Variants in NEGR1 observed in about 807,000 individuals in gnomAD.
The protein encoded by NEGR1 is neuronal growth regulator 1, also known as IgLON family member 4.
In NEGR1, 10 loss-of-function variants were observed where a neutral mutation model predicts 40.9. That is an observed-to-expected ratio of 0.24 (90% CI 0.15 to 0.42). NEGR1 has a LOEUF of 0.42. Among genes scored for constraint, NEGR1 ranks in the 10% least tolerant of loss-of-function variants. NEGR1 has a pLI of 1.00. For missense variants in NEGR1, 352 were observed against 438.9 expected (o/e 0.80, Z 1.77); for synonymous variants, 185 against 166.8 (o/e 1.11, Z -0.84).
In NEGR1 at chr1:72,208,049, GA is replaced by G. The variant is rs201621599; in HGVS notation, c.176+74269del. On this transcript the variant is annotated intron_variant, in intron 1 of 6. Coordinates refer to ENST00000357731, the MANE Select transcript of NEGR1 (RefSeq NM_173808.3). ...TGTAAGAATAATTCTGCATATTCTA[GA>G]AAAAAAAAGTTGATCGGTTTTTCCT... is the stretch of plus-strand genomic sequence containing the variant. Among the ~76,000 whole-genome samples the G allele has an allele frequency of 4.2e-4, 63 of 150,550 alleles. No individual in the cohort carries two copies. The East Asian group carries it at 0.011, about 26-fold the overall frequency.
At position 71,615,288 on chromosome 1, in the gene NEGR1, GA is replaced by G. The variant is rs11432692; in HGVS notation, c.668-4143del. ...ATATTTTATCAGGGATCACATTAAT[GA>G]AAAAAAAAATATTCCTGGCCTCATA... On this transcript the variant is annotated intron_variant, in intron 4 of 6. Coordinates refer to ENST00000357731, the MANE Select transcript of NEGR1 (RefSeq NM_173808.3). 3.3e-4 allele frequency among the ~76,000 whole-genome samples: 49 copies of G among 150,162 alleles called. No homozygotes were observed. The East Asian group carries it at 4.7e-3, about 14-fold the overall frequency.
intron 6 of NEGR1, among the ~76,000 whole-genome samples, chr1:71,524,771 C>G (rs1647197645): frequency 6.6e-6 from 1 of 151,548 alleles, no homozygotes; most frequent in Non-Finnish European, 1.5e-5. Context: ...CCAAGTAAAT[C>G]CAGTGTAAAC....
At chr1:71,470,686 C>T (rs1326368787) in intron 6 of NEGR1, among the ~76,000 whole-genome samples, 4 of 151,982 alleles carry the variant, frequency 2.6e-5, no homozygotes, top group Non-Finnish European at 4.4e-5. Context: ...TATTTTGCAG[C>T]CAGGGTTAAG....
intron 1 of NEGR1, among the ~76,000 whole-genome samples, chr1:72,038,878 A>G (rs917859334): frequency 6.6e-6 from 1 of 152,070 alleles, no homozygotes; most frequent in Non-Finnish European, 1.5e-5. Context: ...AGAGCTCACT[A>G]CTGAGCAAAG....
chr1:71,878,663 T>C (rs1660499640), intron 2 of NEGR1, among the ~76,000 whole-genome samples: 1 of 150,230 alleles, frequency 6.7e-6, no homozygotes, highest in Non-Finnish European at 1.5e-5. Context: ...CATGAAATAG[T>C]TGCAGTTACC....
intron 1 of NEGR1, among the ~76,000 whole-genome samples, chr1:72,043,481 C>G (rs1646973809): frequency 6.6e-6 from 1 of 151,294 alleles, no homozygotes; most frequent in Non-Finnish European, 1.5e-5. Flanking sequence ...TTTCTTATAC[C>G]TATATATTAT....
chr1:71,951,270 T>A (rs1053395872), intron 1 of NEGR1, among the ~76,000 whole-genome samples: 1 of 151,966 alleles, frequency 6.6e-6, no homozygotes, highest in Non-Finnish European at 1.5e-5. Flanking sequence ...TCTTTACCAA[T>A]GGCTGAAAGT....
intron 1 of NEGR1, among the ~76,000 whole-genome samples, chr1:72,269,190 ACT>A (rs1490639746): frequency 6.6e-6 from 1 of 151,556 alleles, no homozygotes; most frequent in Non-Finnish European, 1.5e-5. Context: ...TAAACTTAAG[ACT>A]CTATAACTTA....
chr1:71,456,862 T>C (rs1040611673), intron 6 of NEGR1, among the ~76,000 whole-genome samples: 1 of 152,224 alleles, frequency 6.6e-6, no homozygotes, highest in African/African-American at 2.4e-5. Context: ...AAAATGTTTT[T>C]ATTCTGGCAT....
At chr1:71,863,753 C>T (rs543402589) in intron 2 of NEGR1, among the ~76,000 whole-genome samples, 43 of 152,216 alleles carry the variant, frequency 2.8e-4, no homozygotes, top group Non-Finnish European at 5.4e-4. Flanking sequence ...ATAGACAGTA[C>T]TAGTGTTCCT....
At chr1:71,509,211 G>A (rs544725998) in intron 6 of NEGR1, among the ~76,000 whole-genome samples, 1 of 152,282 alleles carries the variant, frequency 6.6e-6, no homozygotes, top group African/African-American at 2.4e-5. Flanking sequence ...CCCCTAGGAT[G>A]AGATACCAAT....
chr1:71,886,751 TTTTACGTGTATTCCA>T (rs1171100290), intron 2 of NEGR1, among the ~76,000 whole-genome samples: 2 of 152,160 alleles, frequency 1.3e-5, no homozygotes, highest in African/African-American at 4.8e-5. Context: ...TCATTACCTT[TTTTACGTGTATTCCA>T]TTTACTGGTT....
intron 2 of NEGR1, among the ~76,000 whole-genome samples, chr1:71,888,188 T>C (rs187585411): frequency 7.9e-4 from 120 of 152,214 alleles, no homozygotes; most frequent in Admixed American, 1.9e-3. Flanking sequence ...AGAAACTGAT[T>C]TAGAATGGAG....
intron 1 of NEGR1, among the ~76,000 whole-genome samples, chr1:72,254,468 C>T (rs1034620617): frequency 1.3e-5 from 2 of 151,926 alleles, no homozygotes; most frequent in East Asian, 1.9e-4. Context: ...TTTAGGAGGC[C>T]GAGGCGGGCG....
intron 1 of NEGR1, among the ~76,000 whole-genome samples, chr1:72,048,266 A>T (rs892984234): frequency 6.6e-6 from 1 of 151,592 alleles, no homozygotes; most frequent in Non-Finnish European, 1.5e-5. Context: ...AACTAACATT[A>T]CCTTACAGAA....
At chr1:71,949,035 C>T (rs1646045817) in intron 1 of NEGR1, among the ~76,000 whole-genome samples, 1 of 152,050 alleles carries the variant, frequency 6.6e-6, no homozygotes, top group Non-Finnish European at 1.5e-5. Context: ...ACTGATATGG[C>T]TTCTTCAAGG....
At chr1:71,613,028 C>G (rs1447480618) in intron 4 of NEGR1, among the ~76,000 whole-genome samples, 2 of 152,136 alleles carry the variant, frequency 1.3e-5, no homozygotes, top group African/African-American at 4.8e-5. Flanking sequence ...CTGCAGAGTA[C>G]AGATAAAATC....
At chr1:71,774,795 T>C (rs999751494) in intron 3 of NEGR1, among the ~76,000 whole-genome samples, 1 of 152,176 alleles carries the variant, frequency 6.6e-6, no homozygotes, top group Non-Finnish European at 1.5e-5. Context: ...AGCTATGTAG[T>C]TCAAAGTTAA....
chr1:71,894,170 T>C (rs1557690447), intron 2 of NEGR1, among the ~76,000 whole-genome samples: 1 of 139,188 alleles, frequency 7.2e-6, no homozygotes, highest in African/African-American at 2.7e-5. Context: ...CATGTATACA[T>C]ATGTAACTAA....
Sources: gnomAD v4.1 joint callset for allele counts (sites outside exome capture counted in the v4.1 genomes callset) on GRCh38, gnomAD v4.1.1 for gene constraint, MANE v1.5 for transcripts, NCBI Gene and HGNC (gene_info 2026-07-23, HGNC 2026-07-21) for gene names.